The following FGF14 variants were observed in gnomAD, a reference collection of about 807,000 sequenced individuals.
FGF14 encodes the protein fibroblast growth factor homologous factor 4.
A neutral mutation model predicts 25.5 loss-of-function variants in FGF14; 5 were observed. The observed-to-expected ratio is 0.20, with a 90% CI of 0.10 to 0.41. FGF14 has a LOEUF of 0.41. FGF14 is among the 10% of genes least tolerant of loss of function. The pLI is 1.00. For missense variants in FGF14, 222 were observed against 320.1 expected, an observed-to-expected ratio of 0.69 and a Z score of 2.34; for synonymous variants, 138 against 118.3, an observed-to-expected ratio of 1.17 and a Z score of -1.08.
chr13:101,840,249 ATTC>A (rs2043134815), intron 3 of FGF14, among the ~76,000 whole-genome samples: 1 of 152,044 alleles, frequency 6.6e-6, no homozygotes, highest in African/African-American at 2.4e-5. Context: ...ATTCTGCCCT[ATTC>A]TTCTATGAAA....
At chr13:102,336,131 A>G (rs746411652) in intron 1 of FGF14, among the ~76,000 whole-genome samples, 1 of 152,204 alleles carries the variant, frequency 6.6e-6, no homozygotes, top group African/African-American at 2.4e-5. Context: ...AAAAGCTAGA[A>G]ATGATTAAGC....
intron 1 of FGF14, among the ~76,000 whole-genome samples, chr13:101,934,446 A>C (rs2034970181): frequency 6.6e-6 from 1 of 152,136 alleles, no homozygotes; most frequent in African/African-American, 2.4e-5. Context: ...CTGAGGTGGG[A>C]GATTGACTGG....
chr13:101,864,183 A>G lies in FGF14; in HGVS notation c.408+4542T>C, dbSNP rs144646424. ...GGAGAGGTGATGCCAGCCCACAGAG[A>G]TGACCAGTCCCTATTCCAGAAGTTC... On this transcript the variant is annotated intron_variant, in intron 3 of 4. Transcript: ENST00000376143. Among the ~76,000 whole-genome samples the G allele has an allele frequency of 6.6e-3, 1,009 of 152,282 alleles. 9 individuals are homozygous for G. The highest frequency in any genetic ancestry group is 0.017 in the South Asian group (80 of 4,824).
intron 3 of FGF14, among the ~76,000 whole-genome samples, chr13:101,735,072 C>A (rs1339341502): frequency 6.6e-6 from 1 of 152,144 alleles, no homozygotes; most frequent in Non-Finnish European, 1.5e-5. Flanking sequence ...CATGCCTGGG[C>A]TACTCTCGCT....
chr13:102,149,832 A>T (rs576230386), intron 1 of FGF14, among the ~76,000 whole-genome samples: 1 of 152,316 alleles, frequency 6.6e-6, no homozygotes, highest in East Asian at 1.9e-4. Context: ...CTTGGACATG[A>T]TTGTTCCTTT....
At chr13:101,853,026 AT>A (rs2043936804) in intron 3 of FGF14, among the ~76,000 whole-genome samples, 2 of 152,072 alleles carry the variant, frequency 1.3e-5, no homozygotes, top group South Asian at 4.1e-4. Context: ...GGAAAGTGCT[AT>A]TTATTTAGAA....
intron 3 of FGF14, among the ~76,000 whole-genome samples, chr13:101,816,847 CAGA>C (rs1440670634): frequency 2.6e-5 from 4 of 152,106 alleles, no homozygotes; most frequent in Non-Finnish European, 4.4e-5. Context: ...ATTTCTACAG[CAGA>C]AGGATTATCA....
At chr13:102,216,779 C>T (rs1323830216) in intron 1 of FGF14, among the ~76,000 whole-genome samples, 1 of 152,098 alleles carries the variant, frequency 6.6e-6, no homozygotes, top group East Asian at 1.9e-4. Context: ...TAGCTTAGTA[C>T]CCATTGACCA....
intron 1 of FGF14, among the ~76,000 whole-genome samples, chr13:102,187,328 AT>A (rs1437778733): frequency 2.0e-5 from 3 of 152,156 alleles, no homozygotes; most frequent in Admixed American, 2.0e-4. Context: ...CACAGGGAAA[AT>A]GTTCATATAC....
intron 1 of FGF14, among the ~76,000 whole-genome samples, chr13:102,111,834 G>C (rs1293404550): frequency 2.0e-5 from 3 of 151,008 alleles, no homozygotes; most frequent in Non-Finnish European, 4.4e-5. Flanking sequence ...CAGTCCTTCA[G>C]GAGCTTATGG....
At chr13:102,218,845 T>C (rs892277671) in intron 1 of FGF14, among the ~76,000 whole-genome samples, 1 of 152,194 alleles carries the variant, frequency 6.6e-6, no homozygotes, top group Non-Finnish European at 1.5e-5. Flanking sequence ...CCTAAGATTA[T>C]AAATTGCTCT....
chr13:102,378,247 A>C (rs1008201260), intron 1 of FGF14, among the ~76,000 whole-genome samples: 1 of 152,098 alleles, frequency 6.6e-6, no homozygotes, highest in Non-Finnish European at 1.5e-5. Context: ...TAACAAATGC[A>C]CCACTCCGGT....
intron 1 of FGF14, among the ~76,000 whole-genome samples, chr13:102,190,181 C>A (rs1207342728): frequency 6.6e-6 from 1 of 152,188 alleles, no homozygotes; most frequent in Non-Finnish European, 1.5e-5. Context: ...TTCCAGCAAC[C>A]TTCCCTCATA....
intron 1 of FGF14, among the ~76,000 whole-genome samples, chr13:102,028,526 T>C (rs1462124036): frequency 1.3e-5 from 2 of 152,064 alleles, no homozygotes; most frequent in Admixed American, 1.3e-4. Flanking sequence ...GTATTTTTGT[T>C]ATAGCAGCCT....
chr13:102,055,699 G>A (rs1446768429), intron 1 of FGF14, among the ~76,000 whole-genome samples: 1 of 152,176 alleles, frequency 6.6e-6, no homozygotes, highest in African/African-American at 2.4e-5. Context: ...GCACAACACA[G>A]GGGGTGGCAA....
intron 1 of FGF14, among the ~76,000 whole-genome samples, chr13:102,338,582 T>C (rs1165780468): frequency 6.6e-6 from 1 of 151,956 alleles, no homozygotes; most frequent in East Asian, 1.9e-4. Flanking sequence ...AGCCTCCAAT[T>C]TAAAATAGAG....
intron 3 of FGF14, among the ~76,000 whole-genome samples, chr13:101,766,149 C>T (rs1401452634): frequency 6.6e-6 from 1 of 152,184 alleles, no homozygotes; most frequent in Non-Finnish European, 1.5e-5. Context: ...TAACCAGAAA[C>T]TGTACTAGCT....
At chr13:102,091,217 T>C (rs2044149339) in intron 1 of FGF14, among the ~76,000 whole-genome samples, 1 of 152,190 alleles carries the variant, frequency 6.6e-6, no homozygotes. Flanking sequence ...GTGCCAGTTA[T>C]TTACTCTTTG....
upstream of FGF14, among the ~76,000 whole-genome samples, chr13:101,920,149 T>A (rs914395123): frequency 9.2e-5 from 14 of 152,186 alleles, no homozygotes; most frequent in African/African-American, 3.4e-4. Context: ...GATAAAAGAA[T>A]GTGCAAAGCT....
Sources: allele counts gnomAD v4.1 joint callset (sites outside exome capture counted in the v4.1 genomes callset), GRCh38; gene constraint gnomAD v4.1.1; transcripts MANE v1.5; gene names NCBI Gene and HGNC (gene_info 2026-07-23, HGNC 2026-07-21).